Variants in NTM observed in about 807,000 individuals in gnomAD.
The protein encoded by NTM is IgLON family member 2.
In NTM, 13 loss-of-function variants were observed where a neutral mutation model predicts 42.1. The ratio of observed to expected loss-of-function variants is 0.31; its 90% CI spans 0.20 to 0.49. NTM has a LOEUF of 0.49. Among genes scored for constraint, NTM ranks in the 20% least tolerant of loss-of-function variants. NTM has a pLI of 0.99. For missense variants in NTM, 373 were observed against 452.8 expected, an observed-to-expected ratio of 0.82 and a Z score of 1.60; for synonymous variants, 187 against 179.2, an observed-to-expected ratio of 1.04 and a Z score of -0.35.
intron 2 of NTM, among the ~76,000 whole-genome samples, chr11:131,989,329 C>A (rs2066605921): frequency 6.8e-6 from 1 of 147,026 alleles, no homozygotes; most frequent in Non-Finnish European, 1.5e-5. Flanking sequence ...TTTAAAAAAT[C>A]AACAGTAATT....
At chr11:132,138,461 TACA>T (rs2068384114) in intron 2 of NTM, among the ~76,000 whole-genome samples, 1 of 152,176 alleles carries the variant, frequency 6.6e-6, no homozygotes, top group African/African-American at 2.4e-5. Flanking sequence ...GAACAGAATG[TACA>T]GGAAACAGTG....
At chr11:132,179,592 G>A (rs886489218) in intron 3 of NTM, among the ~76,000 whole-genome samples, 2 of 152,178 alleles carry the variant, frequency 1.3e-5, no homozygotes, top group Admixed American at 1.3e-4. Flanking sequence ...AATGTTATAA[G>A]CAGATGAGAT....
chr11:131,510,890 C>T (rs2048150009), intron 1 of NTM, among the ~76,000 whole-genome samples: 1 of 152,186 alleles, frequency 6.6e-6, no homozygotes, highest in Non-Finnish European at 1.5e-5. Context: ...GGGAAGAGCT[C>T]CCTCTGCAGC....
chr11:132,051,050 G>A (rs982968918), intron 2 of NTM, among the ~76,000 whole-genome samples: 3 of 152,176 alleles, frequency 2.0e-5, no homozygotes, highest in Admixed American at 2.0e-4. Context: ...CAGATGCCTT[G>A]CTCCTTGGTT....
In NTM at chr11:131,736,776, A is replaced by G. The variant is rs534586411; in HGVS notation, c.83-174788A>G. Among the ~76,000 whole-genome samples, 14 of 152,256 alleles carry G rather than the reference A, an allele frequency of 9.2e-5. No individual in the cohort carries two copies. In the East Asian group the frequency reaches 2.1e-3, roughly 23 times the overall value. ...TTCTCTTAGGGTGGCATAAGGGGAG[A>G]CGAGGGAGACAGAAAGGGAAGGATG... On this transcript the variant is annotated intron_variant, in intron 1 of 8. Transcript: ENST00000683400.
In NTM at chr11:132,335,230, A is replaced by G; in HGVS notation, c.*84A>G. On this transcript the variant is annotated 3_prime_UTR_variant, in exon 9 of 9. Coordinates refer to ENST00000683400, the MANE Select transcript of NTM (RefSeq NM_001352005.2). Reference sequence around the variant, plus strand: ...AGCAATGGCAACACCGACAGCAACCAATCAGATATATACAAATGAAATTAG... The same window carrying G: ...AGCAATGGCAACACCGACAGCAACCGATCAGATATATACAAATGAAATTAG... 2 of 1,438,448 alleles carry G rather than the reference A, an allele frequency of 1.4e-6. No individual in the cohort carries two copies. Among genetic ancestry groups the G allele is most frequent in the Non-Finnish European group, 1.9e-6 (2 of 1,039,766 alleles). The allele number at this position is 1,438,448 out of a possible 1,614,324, so 89.1% of individuals were successfully genotyped here. A position where few individuals can be genotyped will look rare whatever the true frequency, so the allele number is the denominator to read the frequency against.
intron 1 of NTM, among the ~76,000 whole-genome samples, chr11:131,547,128 A>G (rs1258839651): frequency 6.6e-6 from 1 of 152,118 alleles, no homozygotes; most frequent in African/African-American, 2.4e-5. Context: ...TTCAGCCATG[A>G]CCTACATGGA....
intron 1 of NTM, among the ~76,000 whole-genome samples, chr11:131,672,901 C>G (rs1255680305): frequency 1.8e-5 from 1 of 54,384 alleles, no homozygotes; most frequent in East Asian, 6.1e-4. Context: ...CAGAGAAGAC[C>G]ACGGTGCCGG....
chr11:131,837,275 T>C (rs1414856029), intron 1 of NTM, among the ~76,000 whole-genome samples: 1 of 152,192 alleles, frequency 6.6e-6, no homozygotes, highest in Non-Finnish European at 1.5e-5. Context: ...GTACCTCCTC[T>C]TCTCTGCCTT....
chr11:132,218,545 G>A (rs1223203528), intron 4 of NTM, among the ~76,000 whole-genome samples: 1 of 152,178 alleles, frequency 6.6e-6, no homozygotes, highest in African/African-American at 2.4e-5. Flanking sequence ...TTTGCTATTT[G>A]TCAGGGCAGG....
chr11:132,134,545 T>C (rs2067401072), intron 2 of NTM, among the ~76,000 whole-genome samples: 1 of 151,002 alleles, frequency 6.6e-6, no homozygotes, highest in Non-Finnish European at 1.5e-5. Context: ...CCTCATGGCT[T>C]GGCTCCTATA....
chr11:131,481,474 G>C (rs544863558), intron 1 of NTM, among the ~76,000 whole-genome samples: 1 of 152,234 alleles, frequency 6.6e-6, no homozygotes, highest in Non-Finnish European at 1.5e-5. Flanking sequence ...GAGAAGAAGG[G>C]GGAGAACTTC....
At chr11:131,940,968 C>G (rs990286127) in intron 2 of NTM, among the ~76,000 whole-genome samples, 5 of 152,192 alleles carry the variant, frequency 3.3e-5, no homozygotes, top group African/African-American at 1.2e-4. Context: ...TAAACCCCTG[C>G]ATGAAAGGTT....
intron 6 of NTM, among the ~76,000 whole-genome samples, chr11:132,310,480 C>CA (rs1173287814): frequency 2.0e-5 from 3 of 152,134 alleles, no homozygotes; most frequent in South Asian, 4.2e-4. Flanking sequence ...TTTAGGAAGG[C>CA]AAAATCACAA....
At chr11:131,986,061 T>G (rs1304594060) in intron 2 of NTM, among the ~76,000 whole-genome samples, 2 of 152,214 alleles carry the variant, frequency 1.3e-5, no homozygotes, top group African/African-American at 4.8e-5. Context: ...CTGACCCTGT[T>G]TTGGATTGAA....
chr11:131,839,254 G>A (rs1263187197), intron 1 of NTM, among the ~76,000 whole-genome samples: 1 of 152,198 alleles, frequency 6.6e-6, no homozygotes, highest in Non-Finnish European at 1.5e-5. Flanking sequence ...GAGCCACCAT[G>A]CCTGGCCTGT....
chr11:131,955,598 G>T (rs778145803), intron 2 of NTM, among the ~76,000 whole-genome samples: 1 of 152,142 alleles, frequency 6.6e-6, no homozygotes, highest in Non-Finnish European at 1.5e-5. Flanking sequence ...AATGACAAAA[G>T]AACTAAATAT....
Position 131,646,226 on chromosome 11 carries a change from TG to T in NTM, c.83-265336del, listed in dbSNP as rs1391351248. Among the ~76,000 whole-genome samples, 3 of 152,360 alleles carry T rather than the reference TG, an allele frequency of 2.0e-5. No homozygotes were observed. In the East Asian group the frequency reaches 5.8e-4, roughly 29 times the overall value. On this transcript the variant is annotated intron_variant, in intron 1 of 8. Coordinates refer to ENST00000683400, the MANE Select transcript of NTM (RefSeq NM_001352005.2). ...ACAGCCACACTCATTCTTTCTCATA[TG>T]GTCTGTGGTTGCTATCATGAGACAA... is the stretch of plus-strand genomic sequence containing the variant.
At position 131,376,269 on chromosome 11, in the gene NTM, A is replaced by G. The variant is rs112447532; in HGVS notation, c.82+5381A>G. Among the ~76,000 whole-genome samples the G allele has an allele frequency of 2.9e-3, 442 of 152,264 alleles. 1 individual carries two copies. Among genetic ancestry groups the G allele is most frequent in the Middle Eastern group, 0.014 (4 of 294 alleles). On this transcript the variant is annotated intron_variant, in intron 1 of 8. Coordinates refer to ENST00000683400, the MANE Select transcript of NTM (RefSeq NM_001352005.2). ...CATTATTTGGTATCTCTCACACTCT[A>G]ATTTTCCATATCAAATTTATCTTTG... is the stretch of plus-strand genomic sequence containing the variant.
Sources: allele counts gnomAD v4.1 joint callset (sites outside exome capture counted in the v4.1 genomes callset), GRCh38; gene constraint gnomAD v4.1.1; transcripts MANE v1.5; gene names NCBI Gene and HGNC (gene_info 2026-07-23, HGNC 2026-07-21).